Variants in BTBD9 observed in about 807,000 individuals in gnomAD.
The protein encoded by BTBD9 is BTB domain containing 9.
BTBD9 carries 49 observed loss-of-function variants against 64.3 expected under a neutral mutation model. That is an observed-to-expected ratio of 0.76 (90% CI 0.61 to 0.97). The LOEUF is 0.97. Ranked by LOEUF, BTBD9 falls within the 50% of genes least tolerant of loss-of-function variation. The pLI, the probability that BTBD9 is intolerant of heterozygous loss-of-function variation, is 0.00. For missense variants in BTBD9, 598 were observed against 762.1 expected, an observed-to-expected ratio of 0.78 and a Z score of 2.53; for synonymous variants, 260 against 274.7, an observed-to-expected ratio of 0.95 and a Z score of 0.53.
intron 6 of BTBD9, among the ~76,000 whole-genome samples, chr6:38,574,318 T>C (rs915568901): frequency 1.3e-5 from 2 of 152,214 alleles, no homozygotes; most frequent in African/African-American, 4.8e-5. Flanking sequence ...TCTTATGTTA[T>C]ATATATTTTA....
intron 8 of BTBD9, among the ~76,000 whole-genome samples, chr6:38,261,107 TA>T (rs1183266355): frequency 1.3e-4 from 20 of 151,972 alleles, no homozygotes; most frequent in South Asian, 4.2e-4. Flanking sequence ...GCCCAGCTGA[TA>T]TTTTTTTTTT....
intron 8 of BTBD9, among the ~76,000 whole-genome samples, chr6:38,276,823 C>A: frequency 6.6e-6 from 1 of 152,076 alleles, no homozygotes; most frequent in Admixed American, 6.5e-5. Context: ...TTTTTCAACT[C>A]CAGATCTTAA....
chr6:38,328,564 C>CGTGTGTGTGTGTGT (rs201357884), intron 7 of BTBD9, among the ~76,000 whole-genome samples: 1,490 of 130,448 alleles, frequency 0.011, 22 homozygotes, highest in East Asian at 0.058. Flanking sequence ...TTTAAGCCAC[C>CGTGTGTGTGTGTGT]GTGTGTGTGT....
intron 6 of BTBD9, among the ~76,000 whole-genome samples, chr6:38,437,137 A>G (rs1297756108): frequency 6.6e-6 from 1 of 152,216 alleles, no homozygotes; most frequent in Non-Finnish European, 1.5e-5. Flanking sequence ...GAATACATAA[A>G]TACAGAGTCA....
intron 6 of BTBD9, among the ~76,000 whole-genome samples, chr6:38,455,159 C>T (rs906430376): frequency 6.6e-6 from 1 of 151,926 alleles, no homozygotes; most frequent in African/African-American, 2.4e-5. Context: ...AGTAAAAGTC[C>T]CCCTTTTGGT....
intron 6 of BTBD9, among the ~76,000 whole-genome samples, chr6:38,573,383 TAAAG>T (rs749544521): frequency 3.9e-5 from 6 of 152,194 alleles, no homozygotes; most frequent in Admixed American, 2.0e-4. Flanking sequence ...AAAAAGGAAA[TAAAG>T]AAAGAAACCG....
rs547109932 is a variant in BTBD9, at chr6:38,298,340, T to C, written c.1265-9879A>G. ...ATTATATATTCCTTCTCCTGACCAA[T>C]ATAAAAGACCTTAACACATTTTTGC... On this transcript the variant is annotated intron_variant, in intron 7 of 10. Transcript: ENST00000481247. 2.6e-5 allele frequency among the ~76,000 whole-genome samples: 4 copies of C among 152,262 alleles called. No individual in the cohort carries two copies. The South Asian group carries it at 8.3e-4, about 32-fold the overall frequency.
intron 6 of BTBD9, among the ~76,000 whole-genome samples, chr6:38,534,773 A>G (rs1337799724): frequency 1.3e-5 from 2 of 152,156 alleles, no homozygotes; most frequent in Non-Finnish European, 2.9e-5. Context: ...CAAAAACCAT[A>G]TGATCATCTC....
intron 6 of BTBD9, among the ~76,000 whole-genome samples, chr6:38,576,795 G>C (rs1361133602): frequency 3.3e-5 from 5 of 152,100 alleles, no homozygotes; most frequent in Non-Finnish European, 1.5e-5. Context: ...TTTCCAGTGA[G>C]AAAACACAGC....
chr6:38,412,290 C>G (rs940773621), intron 6 of BTBD9, among the ~76,000 whole-genome samples: 3 of 152,062 alleles, frequency 2.0e-5, no homozygotes, highest in African/African-American at 4.8e-5. Context: ...AACTGGAAGA[C>G]AGAACCAAGC....
At chr6:38,445,006 G>T (rs1047499104) in intron 6 of BTBD9, among the ~76,000 whole-genome samples, 4 of 152,160 alleles carry the variant, frequency 2.6e-5, no homozygotes, top group African/African-American at 7.2e-5. Flanking sequence ...CATGTAAATT[G>T]TGAGTGGGAG....
intron 4 of BTBD9, among the ~76,000 whole-genome samples, chr6:38,585,548 G>T (rs572070439): frequency 1.7e-3 from 259 of 152,198 alleles, no homozygotes; most frequent in Non-Finnish European, 2.8e-3. Context: ...TGCCTCAAGC[G>T]GTCCTCCTGC....
chr6:38,480,712 A>G (rs1390380090), intron 6 of BTBD9, among the ~76,000 whole-genome samples: 2 of 152,188 alleles, frequency 1.3e-5, no homozygotes, highest in African/African-American at 4.8e-5. Context: ...ATCTGAAAAG[A>G]AGCCTGACAA....
intron 8 of BTBD9, among the ~76,000 whole-genome samples, chr6:38,271,151 T>A (rs1765184559): frequency 6.6e-6 from 1 of 152,178 alleles, no homozygotes; most frequent in South Asian, 2.1e-4. Context: ...CAGAATCTCT[T>A]TTACAAACAA....
rs190612065 is a variant in BTBD9, at chr6:38,410,749, C to T, written c.1155-65656G>A. 3.5e-3 allele frequency among the ~76,000 whole-genome samples: 528 copies of T among 152,012 alleles called. 1 individual carries two copies. The highest frequency in any genetic ancestry group is 5.5e-3 in the Non-Finnish European group (373 of 67,980). On this transcript the variant is annotated intron_variant, in intron 6 of 10. Coordinates refer to ENST00000481247, the MANE Select transcript of BTBD9 (RefSeq NM_001099272.2). ...GTGTGCAATGTCATGTCACGAGGGC[C>T]GGGTACAGTGGCTCACACCTATAAT...
intron 6 of BTBD9, among the ~76,000 whole-genome samples, chr6:38,378,588 T>G (rs1443284435): frequency 6.7e-6 from 1 of 149,772 alleles, no homozygotes; most frequent in East Asian, 2.0e-4. Context: ...AAGTTGGCAG[T>G]AAAGGCCAGG....
chr6:38,403,654 T>G (rs955874105), intron 6 of BTBD9, among the ~76,000 whole-genome samples: 29 of 152,206 alleles, frequency 1.9e-4, no homozygotes, highest in African/African-American at 7.0e-4. Context: ...ACAGTTTCTA[T>G]GGAAAACAGT....
chr6:38,522,291 C>A (rs1773304138), intron 6 of BTBD9, among the ~76,000 whole-genome samples: 1 of 152,140 alleles, frequency 6.6e-6, no homozygotes, highest in Non-Finnish European at 1.5e-5. Context: ...AAACAAAAAA[C>A]CAACAATTTG....
chr6:38,477,031 T>C (rs993323924), intron 6 of BTBD9, among the ~76,000 whole-genome samples: 6 of 152,138 alleles, frequency 3.9e-5, no homozygotes, highest in Non-Finnish European at 8.8e-5. Flanking sequence ...AGGTGACACC[T>C]GGGATGGGTG....
Sources: allele counts gnomAD v4.1 joint callset (sites outside exome capture counted in the v4.1 genomes callset), GRCh38; gene constraint gnomAD v4.1.1; transcripts MANE v1.5; gene names NCBI Gene and HGNC (gene_info 2026-07-23, HGNC 2026-07-21).